Variants in SLTM observed in about 807,000 individuals in gnomAD.
SLTM encodes SAFB-like transcription modulator.
SLTM carries 43 observed loss-of-function variants against 134.6 expected under a neutral mutation model. The ratio of observed to expected loss-of-function variants is 0.32; its 90% CI spans 0.25 to 0.41. The LOEUF (loss-of-function observed/expected upper bound fraction) is 0.41, where lower values mean the gene tolerates loss of function less well. Ranked by LOEUF, SLTM falls within the 10% of genes least tolerant of loss-of-function variation. The pLI, the probability that SLTM is intolerant of heterozygous loss-of-function variation, is 1.00. For missense variants in SLTM, 1,055 were observed against 1,288.8 expected (o/e 0.82, Z 2.78); for synonymous variants, 424 against 432.3 (o/e 0.98, Z 0.24).
At chr15:58,904,425 A>C (rs1319088607) in intron 5 of SLTM, among the ~76,000 whole-genome samples, 1 of 152,262 alleles carries the variant, frequency 6.6e-6, no homozygotes, top group Non-Finnish European at 1.5e-5. Context: ...AAGGAAACTA[A>C]AAATACTAAA....
At chr15:58,896,037 T>C (rs562931129) in intron 9 of SLTM, among the ~76,000 whole-genome samples, 2 of 152,326 alleles carry the variant, frequency 1.3e-5, no homozygotes, top group African/African-American at 2.4e-5. Context: ...TTGATGTATA[T>C]GAAAAACTAT....
At chr15:58,913,074 A>G (rs1456555366) in intron 4 of SLTM, among the ~76,000 whole-genome samples, 1 of 152,220 alleles carries the variant, frequency 6.6e-6, no homozygotes, top group Non-Finnish European at 1.5e-5. Flanking sequence ...AGGTAGCAGA[A>G]AGGGGAAAAA....
chr15:58,898,946 G>A (rs1214121372), intron 7 of SLTM, 94 bp from the exon 8 acceptor site: 1 of 861,010 alleles, frequency 1.2e-6, no homozygotes. Flanking sequence ...TCAAACTAGT[G>A]CTATTCATAC....
chr15:58,907,856 G>A (rs1439640278), intron 5 of SLTM, among the ~76,000 whole-genome samples: 2 of 152,172 alleles, frequency 1.3e-5, no homozygotes, highest in East Asian at 1.9e-4. Context: ...CACAATCACA[G>A]TATTGTAATT....
At position 58,879,868 on chromosome 15, in the gene SLTM, A is replaced by G; in HGVS notation, c.*131T>C. 1 of 1,088,250 alleles carries G rather than the reference A, an allele frequency of 9.2e-7. No homozygotes were observed. The highest frequency in any genetic ancestry group is 1.3e-6 in the Non-Finnish European group (1 of 794,698). 67.4% of individuals were successfully genotyped at this position (1,088,250 alleles called of 1,614,324 possible). On this transcript the variant is annotated 3_prime_UTR_variant, in exon 21 of 21. Transcript: ENST00000380516. ...TTCTCCAAAATTGAGAAAAGCAATC[A>G]TGTTAAATTTTTAAAAAGAAAAGTC...
intron 12 of SLTM, 93 bp downstream of exon 12, chr15:58,893,728 T>A: frequency 7.4e-7 from 1 of 1,354,898 alleles, no homozygotes; most frequent in Admixed American, 2.3e-5. Context: ...CAACAAAGCT[T>A]ATATCTGGAT....
At chr15:58,908,627 C>T (rs1251666748) in intron 5 of SLTM, among the ~76,000 whole-genome samples, 1 of 152,122 alleles carries the variant, frequency 6.6e-6, no homozygotes, top group Non-Finnish European at 1.5e-5. Context: ...TCTCAACCTT[C>T]CAAAGTGCTG....
At chr15:58,914,478 A>G (rs139515869) in intron 3 of SLTM, among the ~76,000 whole-genome samples, 53 of 152,362 alleles carry the variant, frequency 3.5e-4, no homozygotes, top group African/African-American at 1.1e-3. Flanking sequence ...GGAAATTTCT[A>G]TCGAGAGGTG....
chr15:58,890,833 A>G (rs1366844927), intron 14 of SLTM, among the ~76,000 whole-genome samples: 1 of 152,220 alleles, frequency 6.6e-6, no homozygotes, highest in African/African-American at 2.4e-5. Flanking sequence ...TGATGGAAAA[A>G]GCTCTAATCC....
At chr15:58,932,478 T>A (rs1222556529) in intron 1 of SLTM, 35 bp from the exon 2 acceptor site, 5 of 1,437,614 alleles carry the variant, frequency 3.5e-6, no homozygotes, top group Non-Finnish European at 4.9e-6. Flanking sequence ...TGCTACACAA[T>A]CTATCTAAAC....
chr15:58,892,649 T>C (rs1215038854), intron 14 of SLTM, among the ~76,000 whole-genome samples: 1 of 152,108 alleles, frequency 6.6e-6, no homozygotes, highest in African/African-American at 2.4e-5. Flanking sequence ...TGGGCCTCCA[T>C]TTTTTTCAAT....
Position 58,933,672 on chromosome 15 carries a change from C to T in SLTM, c.-107G>A. On this transcript the variant is annotated 5_prime_UTR_variant, in exon 1 of 21. Transcript: ENST00000380516. ...CGGCCGCCGGCGCCGCGCAGCGCTG[C>T]GCACAATGAGCCGCTGGCCCCTCCC... 5 of 1,328,854 alleles carry T rather than the reference C, an allele frequency of 3.8e-6. No individual in the cohort carries two copies. Among genetic ancestry groups the T allele is most frequent in the Non-Finnish European group, 4.8e-6 (5 of 1,042,288 alleles). The allele number at this position is 1,328,854 out of a possible 1,614,324, so 82.3% of individuals were successfully genotyped here.
chr15:58,887,278 G>T lies in SLTM; in HGVS notation c.2638C>A (p.Pro880Thr), dbSNP rs769362670. 1.2e-6 allele frequency: 2 copies of T among 1,614,158 alleles called. No homozygotes were observed. Among genetic ancestry groups the T allele is most frequent in the Non-Finnish European group, 8.5e-7 (1 of 1,180,038 alleles). ...PREAGPNPSR[P>T]TSWKSEGSMS... ...CTTCCTTCACTTTTCCAGCTGGTGGGTCTGGAAGGATTGGGCCCTGCCTCT... is the reference window on the plus strand; with the variant it reads ...CTTCCTTCACTTTTCCAGCTGGTGGTTCTGGAAGGATTGGGCCCTGCCTCT... Residue 880 changes from proline (P) to threonine (T), a missense_variant, in exon 18 of 21, where the codon CCC (proline) becomes ACC (threonine). Transcript: ENST00000380516.
intron 19 of SLTM, among the ~76,000 whole-genome samples, chr15:58,884,506 A>T (rs2034020600): frequency 6.6e-6 from 1 of 152,036 alleles, no homozygotes. Flanking sequence ...TTTAGTGGAG[A>T]CGGGGTTTCA....
chr15:58,932,274 T>C, intron 2 of SLTM, 82 bp downstream of exon 2: 1 of 1,021,090 alleles, frequency 9.8e-7, no homozygotes, highest in Non-Finnish European at 1.6e-6. Context: ...TAGCACTATA[T>C]AAACAGGGCA....
rs764275114 is a variant in SLTM, at chr15:58,928,935, C to T, written c.250+3421G>A. Reference sequence around the variant, plus strand: ...GCTTACCTGTTGCTTCCTTAAACATCATTTTAGTTAAACAGAAAGCATTTT... The same window carrying T: ...GCTTACCTGTTGCTTCCTTAAACATTATTTTAGTTAAACAGAAAGCATTTT... On this transcript the variant is annotated intron_variant, in intron 2 of 20. Transcript: ENST00000380516. Among the ~76,000 whole-genome samples, 113 of 152,050 alleles carry T rather than the reference C, an allele frequency of 7.4e-4. 1 individual carries two copies. The highest frequency in any genetic ancestry group is 5.0e-4 in the Non-Finnish European group (34 of 68,042).
chr15:58,931,364 C>T (rs1427386734), intron 2 of SLTM, among the ~76,000 whole-genome samples: 1 of 152,096 alleles, frequency 6.6e-6, no homozygotes, highest in Non-Finnish European at 1.5e-5. Context: ...TCTCTGATAC[C>T]CAGGTGTGCT....
At chr15:58,931,778 T>G (rs2037898301) in intron 2 of SLTM, among the ~76,000 whole-genome samples, 1 of 152,218 alleles carries the variant, frequency 6.6e-6, no homozygotes. Context: ...ATAAGAATCT[T>G]TAACATCCCT....
At chr15:58,884,781 C>CA (rs2034046838) in intron 19 of SLTM, among the ~76,000 whole-genome samples, 1 of 152,060 alleles carries the variant, frequency 6.6e-6, no homozygotes, top group Non-Finnish European at 1.5e-5. Flanking sequence ...ACAGGGTGCA[C>CA]ACCACCATGC....
Sources: allele counts gnomAD v4.1 joint callset (sites outside exome capture counted in the v4.1 genomes callset), GRCh38; gene constraint gnomAD v4.1.1; transcripts MANE v1.5; gene names NCBI Gene and HGNC (gene_info 2026-07-23, HGNC 2026-07-21).